Variants in SHISA9 observed in about 807,000 individuals in gnomAD.
SHISA9 encodes protein shisa-9.
In SHISA9, 13 loss-of-function variants were observed where a neutral mutation model predicts 38.0. The ratio of observed to expected loss-of-function variants is 0.34; its 90% CI spans 0.22 to 0.54. SHISA9 has a LOEUF of 0.54. Ranked by LOEUF, SHISA9 falls within the 20% of genes least tolerant of loss-of-function variation. SHISA9 has a pLI of 0.91. For synonymous variants in SHISA9, 275 were observed against 242.0 expected, an observed-to-expected ratio of 1.14 and a Z score of -1.27; for missense variants, 538 against 575.8, an observed-to-expected ratio of 0.93 and a Z score of 0.67.
intron 2 of SHISA9, among the ~76,000 whole-genome samples, chr16:13,085,220 C>G (rs2073697282): frequency 6.6e-6 from 1 of 152,018 alleles, no homozygotes; most frequent in Non-Finnish European, 1.5e-5. Context: ...CTAGTTGAGA[C>G]TATTTCTCTA....
At chr16:13,363,696 T>C in the SHISA9 span, among the ~76,000 whole-genome samples, 1 of 152,208 alleles carries the variant, frequency 6.6e-6, no homozygotes, top group Non-Finnish European at 1.5e-5. Flanking sequence ...ATGCAGCCTT[T>C]TCTGTATCAT....
intron 2 of SHISA9, among the ~76,000 whole-genome samples, chr16:13,183,756 C>A (rs956515982): frequency 1.3e-5 from 2 of 152,190 alleles, no homozygotes; most frequent in Non-Finnish European, 2.9e-5. Flanking sequence ...ATTACACTTA[C>A]TTTAAGGTCC....
intron 2 of SHISA9, among the ~76,000 whole-genome samples, chr16:13,181,529 C>T (rs988568403): frequency 3.3e-5 from 5 of 151,616 alleles, no homozygotes; most frequent in South Asian, 2.1e-4. Context: ...TTGGTAGGTG[C>T]GGGATCATGC....
intron 2 of SHISA9, among the ~76,000 whole-genome samples, chr16:12,933,259 T>C (rs1448698008): frequency 2.0e-5 from 3 of 152,156 alleles, no homozygotes; most frequent in Non-Finnish European, 4.4e-5. Flanking sequence ...TGCATTCCTT[T>C]AGTTTTCTAT....
At chr16:13,074,724 G>C (rs1411922891) in intron 2 of SHISA9, among the ~76,000 whole-genome samples, 1 of 150,494 alleles carries the variant, frequency 6.6e-6, no homozygotes, top group Non-Finnish European at 1.5e-5. Context: ...GAGTGCAATG[G>C]TGGGATCTCA....
chr16:13,209,445 A>G (rs532227821), intron 3 of SHISA9, among the ~76,000 whole-genome samples: 7 of 152,224 alleles, frequency 4.6e-5, no homozygotes, highest in Non-Finnish European at 1.0e-4. Flanking sequence ...TCAAAGAATC[A>G]GTCTAGACCT....
chr16:13,208,805 C>A (rs982704357), intron 3 of SHISA9, among the ~76,000 whole-genome samples: 4 of 152,164 alleles, frequency 2.6e-5, no homozygotes, highest in Admixed American at 6.5e-5. Context: ...GAGGCATGAA[C>A]CAAATCTGTC....
At chr16:13,466,363 A>C in the SHISA9 span, among the ~76,000 whole-genome samples, 1 of 152,320 alleles carries the variant, frequency 6.6e-6, no homozygotes, top group East Asian at 1.9e-4. Flanking sequence ...TCTGGAATAC[A>C]GGAGATCCGT....
chr16:13,195,552 G>C (rs1255074447), intron 2 of SHISA9, among the ~76,000 whole-genome samples: 1 of 152,152 alleles, frequency 6.6e-6, no homozygotes, highest in East Asian at 1.9e-4. Flanking sequence ...CTTAGATACG[G>C]TGTGAATGGC....
At position 13,235,595 on chromosome 16, in the gene SHISA9, G is replaced by T; in HGVS notation, c.*186G>T. On this transcript the variant is annotated 3_prime_UTR_variant, in exon 5 of 5. Transcript: ENST00000558583. ...TCCTAGGTCATGCCTGTAACGTGTC[G>T]GCGGGCAGCTGAGAAAGACCGAAGC... 2.8e-6 allele frequency: 2 copies of T among 722,160 alleles called. No homozygotes were observed. Among genetic ancestry groups the T allele is most frequent in the South Asian group, 2.3e-5 (1 of 44,206 alleles). 44.7% of individuals were successfully genotyped at this position (722,160 alleles called of 1,614,324 possible). A position where few individuals can be genotyped will look rare whatever the true frequency, so the allele number is the denominator to read the frequency against.
At chr16:13,496,281 A>G in the SHISA9 span, among the ~76,000 whole-genome samples, 5 of 152,260 alleles carry the variant, frequency 3.3e-5, no homozygotes, top group South Asian at 4.1e-4. Flanking sequence ...ATTATGACCT[A>G]AGCATCTCTA....
At chr16:13,002,772 A>T (rs777622060) in intron 2 of SHISA9, among the ~76,000 whole-genome samples, 6 of 152,094 alleles carry the variant, frequency 3.9e-5, no homozygotes, top group Non-Finnish European at 8.8e-5. Context: ...ACCTCAGGTG[A>T]TCTGCCTGCC....
chr16:13,266,039 C>T, the SHISA9 span, among the ~76,000 whole-genome samples: 1 of 150,656 alleles, frequency 6.6e-6, no homozygotes, highest in Non-Finnish European at 1.5e-5. Context: ...AAAGTGGATG[C>T]ATATCTTGTT....
chr16:13,425,300 A>T, the SHISA9 span, among the ~76,000 whole-genome samples: 7 of 152,210 alleles, frequency 4.6e-5, no homozygotes, highest in African/African-American at 1.7e-4. Flanking sequence ...CAGCCTTGCC[A>T]ACATGGCAAA....
the SHISA9 span, among the ~76,000 whole-genome samples, chr16:13,252,956 G>T: frequency 6.6e-6 from 1 of 152,134 alleles, no homozygotes; most frequent in Non-Finnish European, 1.5e-5. Flanking sequence ...GAAATAGCAA[G>T]ACCAACTCCT....
intron 2 of SHISA9, among the ~76,000 whole-genome samples, chr16:13,065,155 G>T (rs1299136704): frequency 6.6e-6 from 1 of 152,140 alleles, no homozygotes; most frequent in African/African-American, 2.4e-5. Context: ...TGTCTGCCTG[G>T]TATGTCACTC....
chr16:13,363,692 C>T, the SHISA9 span, among the ~76,000 whole-genome samples: 565 of 152,230 alleles, frequency 3.7e-3, 5 homozygotes, highest in South Asian at 0.018. Context: ...CAGGATGCAG[C>T]CTTTTCTGTA....
chr16:13,069,246 T>G (rs2073478607), intron 2 of SHISA9, among the ~76,000 whole-genome samples: 1 of 152,166 alleles, frequency 6.6e-6, no homozygotes, highest in Non-Finnish European at 1.5e-5. Flanking sequence ...TATGTGTATG[T>G]GTATATGTGT....
At chr16:13,289,086 A>G in the SHISA9 span, among the ~76,000 whole-genome samples, 21 of 152,134 alleles carry the variant, frequency 1.4e-4, no homozygotes, top group African/African-American at 2.4e-5. Context: ...GAGGCTGCGG[A>G]TGAGTTAAGG....
Sources: allele counts gnomAD v4.1 joint callset (sites outside exome capture counted in the v4.1 genomes callset), GRCh38; gene constraint gnomAD v4.1.1; transcripts MANE v1.5; gene names NCBI Gene and HGNC (gene_info 2026-07-23, HGNC 2026-07-21).